The following SYNE1 variants were observed in gnomAD, a reference collection of about 807,000 sequenced individuals.
The protein encoded by SYNE1 is nesprin-1.
A neutral mutation model predicts 1,111.0 loss-of-function variants in SYNE1; 616 were observed. The observed-to-expected ratio is 0.55, with a 90% CI of 0.52 to 0.59. The LOEUF (loss-of-function observed/expected upper bound fraction) is 0.59. Among genes scored for constraint, SYNE1 ranks in the 20% least tolerant of loss-of-function variants. SYNE1 has a pLI of 0.00. For missense variants in SYNE1, 10,006 were observed against 10,417.0 expected (o/e 0.96, Z 1.72); for synonymous variants, 3,855 against 3,825.8 (o/e 1.01, Z -0.28).
rs1563461063 is a variant in SYNE1, at chr6:152,371,895, A to AGGAC, written c.9507+1141_9507+1142insGTCC. 4.0e-4 allele frequency among the ~76,000 whole-genome samples: 45 copies of AGGAC among 111,432 alleles called. 1 individual carries two copies. Among genetic ancestry groups the AGGAC allele is most frequent in the African/African-American group, 1.8e-3 (43 of 24,530 alleles). The allele number at this position is 111,432 out of a possible 152,430, so 73.1% of individuals were successfully genotyped here. On this transcript the variant is annotated intron_variant, in intron 59 of 145. Coordinates refer to ENST00000367255, the MANE Select transcript of SYNE1 (RefSeq NM_182961.4). ...AAGGAAAGGAAAGGAAAGGAAAGGA[A>AGGAC]AGGAAAGGAAAGGAAAGGAAAGGAA...
At chr6:152,384,751 C>T (rs1048389607) in intron 55 of SYNE1, among the ~76,000 whole-genome samples, 1 of 151,966 alleles carries the variant, frequency 6.6e-6, no homozygotes, top group African/African-American at 2.4e-5. Context: ...TGGTGGTCAG[C>T]ACCTGTAATC....
intron 53 of SYNE1, among the ~76,000 whole-genome samples, chr6:152,389,763 A>G (rs1019783229): frequency 2.0e-5 from 3 of 152,196 alleles, no homozygotes; most frequent in African/African-American, 7.2e-5. Context: ...ACTTTGTAGG[A>G]TATGAGCTCT....
chr6:152,467,024 A>T (rs1200227515), intron 16 of SYNE1, among the ~76,000 whole-genome samples: 1 of 152,138 alleles, frequency 6.6e-6, no homozygotes, highest in African/African-American at 2.4e-5. Context: ...CAGAGGAAAC[A>T]TTATTCATGC....
intron 50 of SYNE1, 37 bp downstream of exon 50, chr6:152,396,738 G>A: frequency 1.3e-6 from 2 of 1,571,088 alleles, no homozygotes; most frequent in South Asian, 1.1e-5. Flanking sequence ...AACACACTTG[G>A]TGTATGATGA....
intron 98 of SYNE1, among the ~76,000 whole-genome samples, chr6:152,272,481 T>C (rs1054387473): frequency 1.3e-5 from 2 of 152,220 alleles, no homozygotes; most frequent in Non-Finnish European, 2.9e-5. Flanking sequence ...AAACATTTCT[T>C]TATAAAGCTT....
At chr6:152,471,993 G>A (rs41292876) in intron 15 of SYNE1, 51 of 596,594 alleles carry the variant, frequency 8.5e-5, no homozygotes, top group Non-Finnish European at 1.4e-4. Flanking sequence ...CACATCTCTC[G>A]TCTGTTTCTT....
chr6:152,459,196 C>A (rs536726562), intron 21 of SYNE1, among the ~76,000 whole-genome samples: 134 of 152,240 alleles, frequency 8.8e-4, no homozygotes, highest in African/African-American at 3.0e-3. Flanking sequence ...ATAGCACTTT[C>A]TCATCTAAAT....
chr6:152,376,576 A>G lies in SYNE1; in HGVS notation c.9147-18T>C. ...AACAAAGACTGAAAAGGTGACGCAA[A>G]AATTTAATGGCAGGAAAAAGCGATA... On this transcript the variant is annotated intron_variant, in intron 57 of 145. Coordinates refer to ENST00000367255, the MANE Select transcript of SYNE1 (RefSeq NM_182961.4). 1 of 1,613,170 alleles carries G rather than the reference A, an allele frequency of 6.2e-7. No individual in the cohort carries two copies. Among genetic ancestry groups the G allele is most frequent in the Non-Finnish European group, 8.5e-7 (1 of 1,179,892 alleles).
In SYNE1 at chr6:152,130,787, A is replaced by G. The variant is rs886043956; in HGVS notation, c.26095-9T>C. The G allele has an allele frequency of 2.5e-6, 4 of 1,614,182 alleles. No individual in the cohort carries two copies. Among genetic ancestry groups the G allele is most frequent in the Non-Finnish European group, 3.4e-6 (4 of 1,180,012 alleles). ...CTACACTTGCCTCGTGGCTGTTTGCAATGAACAGGGGGTAAAGAAAGAAGA... is the reference window on the plus strand; with the variant it reads ...CTACACTTGCCTCGTGGCTGTTTGCGATGAACAGGGGGTAAAGAAAGAAGA... On this transcript the variant is annotated splice_polypyrimidine_tract_variant and intron_variant, in intron 144 of 145. Coordinates refer to ENST00000367255, the MANE Select transcript of SYNE1 (RefSeq NM_182961.4).
chr6:152,505,321 T>A lies in SYNE1; in HGVS notation c.658A>T (p.Ile220Phe). The change falls in exon 9 of 146, where the codon ATT becomes TTT. Residue 220 changes from isoleucine to phenylalanine, a missense_variant. Transcript: ENST00000367255. ...GVAFHSVIHAIRPELVDLETV... is the reference protein window; with the variant it reads ...GVAFHSVIHAFRPELVDLETV... The stretch of plus-strand genomic sequence containing the variant: ...TCCAAGTCCACCAATTCCGGTCGAA[T>A]GGCATGAATAACTGAATGAAAGGCA... 6.2e-7 allele frequency: 1 copy of A among 1,614,158 alleles called. No individual in the cohort carries two copies.
chr6:152,407,458 G>A lies in SYNE1; in HGVS notation c.6541-262C>T, dbSNP rs2746418. ...TAAATTGGGATACTAACAACAACAG[G>A]TCCATTGGAATCTACTATAACTCAA... On this transcript the variant is annotated intron_variant, in intron 44 of 145. Transcript: ENST00000367255. 0.42 allele frequency among the ~76,000 whole-genome samples: 63,855 copies of A among 151,890 alleles called. 13,896 individuals carry two copies. Among genetic ancestry groups the A allele is most frequent in the East Asian group, 0.75 (3,879 of 5,158 alleles).
intron 46 of SYNE1, 83 bp from the exon 47 acceptor site, chr6:152,401,424 T>A: frequency 7.3e-7 from 1 of 1,379,144 alleles, no homozygotes; most frequent in Non-Finnish European, 1.0e-6. Context: ...ACGTGCAGCT[T>A]AATTGTCAAA....
chr6:152,466,136 A>G (rs1593272953), intron 16 of SYNE1, 58 bp from the exon 17 acceptor site: 1 of 1,153,790 alleles, frequency 8.7e-7, no homozygotes, highest in East Asian at 2.4e-5. Context: ...AGAATGCCAA[A>G]GTCAATTTTC....
At chr6:152,319,329 C>G (rs2095814865) in intron 84 of SYNE1, among the ~76,000 whole-genome samples, 1 of 152,192 alleles carries the variant, frequency 6.6e-6, no homozygotes, top group Non-Finnish European at 1.5e-5. Context: ...CCTATCTTCT[C>G]CATTAACTAA....
chr6:152,463,700 T>C (rs1307864177), intron 18 of SYNE1, among the ~76,000 whole-genome samples, 183 bp from the exon 19 acceptor site: 2 of 152,202 alleles, frequency 1.3e-5, no homozygotes, highest in East Asian at 3.8e-4. Flanking sequence ...CTAGAGATAC[T>C]GTCTTTTTTT....
In SYNE1 at chr6:152,321,782, T is replaced by A; in HGVS notation, c.16022A>T (p.Glu5341Val). The A allele has an allele frequency of 6.2e-7, 1 of 1,614,066 alleles. No individual in the cohort carries two copies. The highest frequency in any genetic ancestry group is 8.5e-7 in the Non-Finnish European group (1 of 1,179,976). Residue 5341 changes from glutamate (E) to valine (V), a missense_variant, in exon 83 of 146, where the codon GAA becomes GTA. Coordinates refer to ENST00000367255, the MANE Select transcript of SYNE1 (RefSeq NM_182961.4). ...TGGATTCCCTAAATATTCTTTCGTTTCCTGAACCCAACATTTCACAGAATT... is the reference window on the plus strand; with the variant it reads ...TGGATTCCCTAAATATTCTTTCGTTACCTGAACCCAACATTTCACAGAATT... ...QINSVKCWVQ[E>V]TKEYLGNPTI...
At chr6:152,220,346 C>A (rs1489997813) in intron 119 of SYNE1, among the ~76,000 whole-genome samples, 1 of 151,950 alleles carries the variant, frequency 6.6e-6, no homozygotes, top group African/African-American at 2.4e-5. Context: ...TTGGCAGCTA[C>A]AGTGAAAAAG....
intron 132 of SYNE1, 59 bp from the exon 133 acceptor site, chr6:152,155,101 C>A: frequency 1.2e-6 from 2 of 1,605,692 alleles, no homozygotes; most frequent in Non-Finnish European, 1.7e-6. Flanking sequence ...CGCTCCAGAA[C>A]CCGGTCTGCT....
At chr6:152,130,425 G>A (rs935487605) in intron 145 of SYNE1, among the ~76,000 whole-genome samples, 1 of 152,224 alleles carries the variant, frequency 6.6e-6, no homozygotes, top group Admixed American at 6.5e-5. Flanking sequence ...TCAAATGGCA[G>A]TGGTGCCACC....
Sources: gnomAD v4.1 joint callset for allele counts (sites outside exome capture counted in the v4.1 genomes callset) on GRCh38, gnomAD v4.1.1 for gene constraint, MANE v1.5 for transcripts, NCBI Gene and HGNC (gene_info 2026-07-23, HGNC 2026-07-21) for gene names.